SP6: variants seen among roughly 807,000 people sequenced by gnomAD.
SP6 encodes the protein transcription factor Sp6.
A neutral mutation model predicts 23.4 loss-of-function variants in SP6; 10 were observed. That is an observed-to-expected ratio of 0.43 (90% confidence interval 0.26 to 0.72). The LOEUF (loss-of-function observed/expected upper bound fraction) is 0.72, where lower values mean the gene tolerates loss of function less well. Ranked by LOEUF, SP6 falls within the 30% of genes least tolerant of loss-of-function variation. SP6 has a pLI of 0.23. For missense variants in SP6, 482 were observed against 523.8 expected, an observed-to-expected ratio of 0.92 and a Z score of 0.78; for synonymous variants, 238 against 238.7, an observed-to-expected ratio of 1.00 and a Z score of 0.03.
chr17:47,866,536 T>C, the SP6 span, among the ~76,000 whole-genome samples: 7 of 152,180 alleles, frequency 4.6e-5, no homozygotes, highest in Non-Finnish European at 1.0e-4. Flanking sequence ...ATTCCAGTGA[T>C]GTGGAAACCT....
chr17:47,861,429 A>G, the SP6 span, among the ~76,000 whole-genome samples: 1 of 152,194 alleles, frequency 6.6e-6, no homozygotes, highest in Non-Finnish European at 1.5e-5. Flanking sequence ...AAGTGCCTAG[A>G]GTATGGATTC....
the SP6 span, among the ~76,000 whole-genome samples, chr17:47,873,253 C>T: frequency 6.6e-6 from 1 of 152,216 alleles, no homozygotes; most frequent in Non-Finnish European, 1.5e-5. Flanking sequence ...CCTTTCCACC[C>T]ACCCATCCCT....
chr17:47,865,371 C>G, the SP6 span, among the ~76,000 whole-genome samples: 6 of 152,066 alleles, frequency 3.9e-5, no homozygotes, highest in South Asian at 1.2e-3. Context: ...GCCGTGTCCC[C>G]CTTGTCAACC....
At chr17:47,854,270 G>T (rs895867836), upstream of SP6, among the ~76,000 whole-genome samples, 1 of 152,178 alleles carries the variant, frequency 6.6e-6, no homozygotes, top group African/African-American at 2.4e-5. Context: ...TATTTACTGA[G>T]CACCTACTAT....
At chr17:47,858,610 G>T (rs2034014142), upstream of SP6, among the ~76,000 whole-genome samples, 1 of 152,102 alleles carries the variant, frequency 6.6e-6, no homozygotes, top group Non-Finnish European at 1.5e-5. Flanking sequence ...ATTGACAAAT[G>T]AGGTGGAAAT....
rs1468863978 is a variant in SP6 at position 47,847,262 on chromosome 17, C to T, written c.*37G>A. ...AGACCTGGGGGCTCGCATCCAGTGCCCCCCGGGATACCCGCAGGGAGGCGG... is the reference window on the plus strand; with the variant it reads ...AGACCTGGGGGCTCGCATCCAGTGCTCCCCGGGATACCCGCAGGGAGGCGG... On this transcript the variant is annotated 3_prime_UTR_variant, in exon 2 of 2. Transcript: ENST00000536300. 1 of 1,470,382 alleles carries T rather than the reference C, an allele frequency of 6.8e-7. No individual in the cohort carries two copies. The allele number at this position is 1,470,382 out of a possible 1,614,324, so 91.1% of individuals were successfully genotyped here. A position where few individuals can be genotyped will look rare whatever the true frequency, so the allele number is the denominator to read the frequency against.
At chr17:47,849,218 C>T (rs1324823008) in intron 1 of SP6, among the ~76,000 whole-genome samples, 1 of 152,086 alleles carries the variant, frequency 6.6e-6, no homozygotes, top group East Asian at 1.9e-4. Flanking sequence ...CAGAGAAAAC[C>T]AAATTTCCAT....
At position 47,848,148 on chromosome 17, in the gene SP6, C is replaced by T; in HGVS notation, c.282G>A (p.Lys94=). The stretch of plus-strand genomic sequence containing the variant: ...GGTGTGACATGTCCGGCTGCAGGAG[C>T]TTGGAAAAGGGGCCCGGGGCCAAGG... ...DSPLAPGPFS[K]LLQPDMSHHY... Residue 94 remains lysine, a synonymous_variant, in exon 2 of 2, where the codon AAG becomes AAA. Transcript: ENST00000536300. This position sits in a 1 kb window ranked among gnomAD's most constrained non-coding sequence, Gnocchi z 5.3. 3 of 1,613,498 alleles carry T rather than the reference C, an allele frequency of 1.9e-6. No homozygotes were observed. Among genetic ancestry groups the T allele is most frequent in the Non-Finnish European group, 1.7e-6 (2 of 1,179,982 alleles).
At chr17:47,864,864 T>C in the SP6 span, 1 of 152,604 alleles carries the variant, frequency 6.6e-6, no homozygotes, top group African/African-American at 2.4e-5. Context: ...TGGTGCCAGG[T>C]AAGGCTTCAG....
chr17:47,870,769 C>T, the SP6 span, among the ~76,000 whole-genome samples: 8 of 152,252 alleles, frequency 5.3e-5, no homozygotes, highest in East Asian at 1.9e-4. Flanking sequence ...CCCCCAGCCA[C>T]GCCAGAGAAT....
At chr17:47,863,883 T>C in the SP6 span, among the ~76,000 whole-genome samples, 1 of 151,450 alleles carries the variant, frequency 6.6e-6, no homozygotes, top group African/African-American at 2.4e-5. Context: ...GGACTACAGG[T>C]GCCCACCACC....
chr17:47,870,713 G>T, the SP6 span, among the ~76,000 whole-genome samples: 1 of 152,134 alleles, frequency 6.6e-6, no homozygotes, highest in Non-Finnish European at 1.5e-5. Flanking sequence ...GTATCCAGCT[G>T]GGAAGGGATC....
rs909685072 is a variant in SP6 at position 47,845,481 on chromosome 17, C to T, written c.*1818G>A. Reference sequence around the variant, plus strand: ...GTTCCTCGGGAAGGTCATCCTGTCCCTTTTAAGGAGGGCCCCTTTGTATAC... The same window carrying T: ...GTTCCTCGGGAAGGTCATCCTGTCCTTTTTAAGGAGGGCCCCTTTGTATAC... On this transcript the variant is annotated 3_prime_UTR_variant, in exon 2 of 2. Coordinates refer to ENST00000536300, the MANE Select transcript of SP6 (RefSeq NM_001258248.2). 1 of 152,426 alleles carries T rather than the reference C, an allele frequency of 6.6e-6. No homozygotes were observed. Among genetic ancestry groups the T allele is most frequent in the Non-Finnish European group, 1.5e-5 (1 of 68,020 alleles). The allele number at this position is 152,426 out of a possible 1,614,324, so 9.4% of individuals were successfully genotyped here.
upstream of SP6, among the ~76,000 whole-genome samples, chr17:47,853,328 C>A (rs577581256): frequency 3.5e-4 from 54 of 152,334 alleles, no homozygotes; most frequent in Non-Finnish European, 5.6e-4. Context: ...TCCATCCATT[C>A]AGCCTACAAA....
chr17:47,847,749 G>A lies in SP6; in HGVS notation c.681C>T (p.Val227=). ...RSVPRSSGQT[V]CRCPNCLEAE... is the part of the protein sequence containing the mutation. ...CCTCCAGACAGTTGGGGCAGCGACA[G>A]ACGGTCTGGCCTGAGCTGCGGGGCA... Residue 227 remains valine, a synonymous_variant, in exon 2 of 2, where the codon GTC becomes GTT. Transcript: ENST00000536300. 1 of 1,584,484 alleles carries A rather than the reference G, an allele frequency of 6.3e-7. No homozygotes were observed. The highest frequency in any genetic ancestry group is 8.6e-7 in the Non-Finnish European group (1 of 1,164,454).
At chr17:47,853,312 T>C (rs1307975783), upstream of SP6, among the ~76,000 whole-genome samples, 1 of 152,220 alleles carries the variant, frequency 6.6e-6, no homozygotes, top group Non-Finnish European at 1.5e-5. Flanking sequence ...TCAACGCAGC[T>C]TTGTCTCCAT....
chr17:47,851,325 G>T (rs889682239), upstream of SP6: 2 of 152,242 alleles, frequency 1.3e-5, no homozygotes, highest in Non-Finnish European at 2.9e-5. Flanking sequence ...TAACTAGGGC[G>T]TGCGCCGCCC....
chr17:47,850,562 GGA>G (rs1374030400), intron 1 of SP6, among the ~76,000 whole-genome samples: 1 of 152,218 alleles, frequency 6.6e-6, no homozygotes, highest in Non-Finnish European at 1.5e-5. Flanking sequence ...GTTCAGGAAA[GGA>G]GAGAGCACAG....
chr17:47,853,162 C>A (rs1317931170), upstream of SP6, among the ~76,000 whole-genome samples: 1 of 152,204 alleles, frequency 6.6e-6, no homozygotes, highest in Non-Finnish European at 1.5e-5. Flanking sequence ...GGAGATGCCG[C>A]CTGACATCGG....
Sources: gnomAD v4.1 joint callset for allele counts (sites outside exome capture counted in the v4.1 genomes callset) on GRCh38, gnomAD v4.1.1 for gene constraint, Gnocchi (gnomAD v3.1) non-coding constraint, MANE v1.5 for transcripts, NCBI Gene and HGNC (gene_info 2026-07-23, HGNC 2026-07-21) for gene names.